The following KIFC3 variants were observed in gnomAD, a reference collection of about 807,000 sequenced individuals.
KIFC3 encodes the protein kinesin family member C3, also known as kinesin-like protein KIFC3.
A neutral mutation model predicts 101.8 loss-of-function variants in KIFC3; 60 were observed. The ratio of observed to expected loss-of-function variants is 0.59; its 90% CI spans 0.48 to 0.73. The LOEUF is 0.73. Among genes scored for constraint, KIFC3 ranks in the 30% least tolerant of loss-of-function variants. The pLI is 0.00. For missense variants in KIFC3, 966 were observed against 1,137.1 expected, an observed-to-expected ratio of 0.85 and a Z score of 2.16; for synonymous variants, 476 against 482.7, an observed-to-expected ratio of 0.99 and a Z score of 0.18.
At chr16:57,861,078 A>G (rs1959243326) in intron 1 of KIFC3, among the ~76,000 whole-genome samples, 1 of 152,196 alleles carries the variant, frequency 6.6e-6, no homozygotes, top group Non-Finnish European at 1.5e-5. Flanking sequence ...ACTTCATTAC[A>G]AAGACTTTTG....
chr16:57,780,183 G>A (rs1391903393), intron 3 of KIFC3, among the ~76,000 whole-genome samples: 2 of 152,220 alleles, frequency 1.3e-5, no homozygotes, highest in African/African-American at 4.8e-5. Flanking sequence ...GTTGCACAAT[G>A]AGAATGTACT....
At chr16:57,816,355 T>C (rs1555628822) in intron 1 of KIFC3, 6 of 911,904 alleles carry the variant, frequency 6.6e-6, no homozygotes, top group Non-Finnish European at 9.3e-6. Context: ...GGCCTGCCCC[T>C]CCTGGCTTCC....
At chr16:57,798,039 A>T in intron 2 of KIFC3, 33 bp downstream of exon 2, 1 of 1,570,704 alleles carries the variant, frequency 6.4e-7, no homozygotes, top group East Asian at 2.4e-5. Context: ...GAAGGAAGGG[A>T]AATAAAGAGG....
rs781873560 is a variant in KIFC3, at chr16:57,766,956, G to A, written c.1248C>T (p.Ser416=). 19 of 1,613,246 alleles carry A rather than the reference G, an allele frequency of 1.2e-5. No individual in the cohort carries two copies. The South Asian group carries it at 1.8e-4, about 15-fold the overall frequency. The part of the protein sequence containing the change: ...EIGQAIEEVN[S]NNQELLRKYR... The stretch of plus-strand genomic sequence containing the variant: ...ACTTGCGCAGCAGCTCCTGGTTGTT[G>A]CTGTTGACCTCCTCGATGGCCTGGC... The change falls in exon 10 of 20, where the codon AGC becomes AGT. Residue 416 remains serine (S), a synonymous_variant. Transcript: ENST00000445690.
At chr16:57,779,786 C>T (rs1463031401) in intron 3 of KIFC3, 2 of 151,926 alleles carry the variant, frequency 1.3e-5, no homozygotes. Flanking sequence ...TGTACTCCAG[C>T]CTGGGAGACA....
chr16:57,764,139 C>A lies in KIFC3; in HGVS notation c.1617+4G>T, dbSNP rs781812881. Reference sequence around the variant, plus strand: ...GAACCCCCACCCCATTGGGCAGCACCCACCTCCATCGTGTACGTCTTGCCG... The same window carrying A: ...GAACCCCCACCCCATTGGGCAGCACACACCTCCATCGTGTACGTCTTGCCG... On this transcript the variant is annotated splice_donor_region_variant and intron_variant, in intron 12 of 19. Transcript: ENST00000445690. 6 of 1,608,328 alleles carry A rather than the reference C, an allele frequency of 3.7e-6. No individual in the cohort carries two copies. Among genetic ancestry groups the A allele is most frequent in the Middle Eastern group, 3.3e-4 (2 of 6,080 alleles).
intron 3 of KIFC3, among the ~76,000 whole-genome samples, chr16:57,788,221 G>C (rs1248616171): frequency 6.6e-6 from 1 of 152,202 alleles, no homozygotes; most frequent in Non-Finnish European, 1.5e-5. Flanking sequence ...TCTCTCTGCA[G>C]GTGGTGGCGT....
chr16:57,766,665 T>C (rs2050521407), intron 10 of KIFC3, among the ~76,000 whole-genome samples: 1 of 152,208 alleles, frequency 6.6e-6, no homozygotes, highest in Non-Finnish European at 1.5e-5. Context: ...GCTTCTGAGC[T>C]GGACAGACTC....
chr16:57,860,127 C>T (rs780389051), intron 1 of KIFC3, among the ~76,000 whole-genome samples: 9 of 151,280 alleles, frequency 5.9e-5, no homozygotes, highest in Non-Finnish European at 1.0e-4. Flanking sequence ...TCCCTTAATT[C>T]CTCCCTAGGA....
chr16:57,843,060 G>A (rs1322410501), intron 1 of KIFC3, among the ~76,000 whole-genome samples: 2 of 150,806 alleles, frequency 1.3e-5, no homozygotes, highest in African/African-American at 4.9e-5. Context: ...TTGAACCCAG[G>A]AGGCAGAGGT....
rs782506006 is a variant in KIFC3 at position 57,760,396 on chromosome 16, GTTC to G, written c.2250_2252del (p.Lys750del). 3.1e-6 allele frequency: 5 copies of G among 1,613,840 alleles called. No homozygotes were observed. Among genetic ancestry groups the G allele is most frequent in the South Asian group, 1.1e-5 (1 of 91,084 alleles). ...TGAGGGAATAGAGCGTCTCGCTAGT[GTTC>G]TTCTCCACGGGGGACACCTAGGGGA... On this transcript the variant is annotated inframe_deletion, in exon 17 of 20. Transcript: ENST00000445690.
At chr16:57,800,143 G>A (rs182287752) in intron 1 of KIFC3, among the ~76,000 whole-genome samples, 70 of 152,222 alleles carry the variant, frequency 4.6e-4, no homozygotes, top group Non-Finnish European at 7.4e-4. Flanking sequence ...TAAAGTAAAG[G>A]GTCCAGGGGT....
intron 1 of KIFC3, among the ~76,000 whole-genome samples, chr16:57,823,223 G>T (rs2055388206): frequency 6.6e-6 from 1 of 152,090 alleles, no homozygotes; most frequent in African/African-American, 2.4e-5. Context: ...TCTTCCTATT[G>T]ATAATAACTC....
intron 1 of KIFC3, among the ~76,000 whole-genome samples, chr16:57,822,630 G>A (rs2055375025): frequency 6.6e-6 from 1 of 152,010 alleles, no homozygotes; most frequent in Non-Finnish European, 1.5e-5. Context: ...CCAGGAGGTG[G>A]AGGTTGCAGT....
chr16:57,819,340 T>C (rs1447304042), intron 1 of KIFC3, among the ~76,000 whole-genome samples: 1 of 152,106 alleles, frequency 6.6e-6, no homozygotes, highest in Non-Finnish European at 1.5e-5. Context: ...CACAGTATCA[T>C]GTGCCTGTAG....
chr16:57,772,187 G>T (rs782696287), intron 4 of KIFC3, 36 bp downstream of exon 4: 4 of 1,596,188 alleles, frequency 2.5e-6, no homozygotes, highest in Non-Finnish European at 3.4e-6. Flanking sequence ...GGCAGGCCAG[G>T]CCCTGCGCTA....
chr16:57,762,363 C>G, intron 12 of KIFC3, 93 bp from the exon 13 acceptor site: 2 of 1,313,372 alleles, frequency 1.5e-6, no homozygotes, highest in Non-Finnish European at 2.0e-6. Context: ...CTACCCCTCA[C>G]AAGCAAGCCT....
chr16:57,762,159 T>A lies in KIFC3; in HGVS notation c.1729A>T (p.Ile577Phe), dbSNP rs538518002. ...EYTITVSAAE[I>F]YNEVLRDLLG... Reference sequence around the variant, plus strand: ...TCCCACCTGAGGACCTCATTGTAGATCTCCGCAGCGCTGACGGTGATGGTG... The same window carrying A: ...TCCCACCTGAGGACCTCATTGTAGAACTCCGCAGCGCTGACGGTGATGGTG... The change falls in exon 13 of 20, where the codon ATC becomes TTC. Residue 577 changes from isoleucine to phenylalanine, a missense_variant. By Grantham distance (21) the Ile-to-Phe change is conservative. Transcript: ENST00000445690. The A allele has an allele frequency of 1.2e-6, 2 of 1,605,914 alleles. No homozygotes were observed. Among genetic ancestry groups the A allele is most frequent in the Non-Finnish European group, 1.7e-6 (2 of 1,176,294 alleles).
chr16:57,785,627 G>A (rs987947029), intron 3 of KIFC3: 33 of 1,263,744 alleles, frequency 2.6e-5, no homozygotes, highest in Middle Eastern at 2.2e-4. Context: ...TGGTGGCCCC[G>A]ACAAGCTCGA....
Sources: gnomAD v4.1 joint callset for allele counts (sites outside exome capture counted in the v4.1 genomes callset) on GRCh38, gnomAD v4.1.1 for gene constraint, MANE v1.5 for transcripts, NCBI Gene and HGNC (gene_info 2026-07-23, HGNC 2026-07-21) for gene names.